CSMD1: variants seen among roughly 807,000 people sequenced by gnomAD.
CSMD1 encodes CUB and Sushi multiple domains 1.
A neutral mutation model predicts 417.5 loss-of-function variants in CSMD1; 213 were observed. The ratio of observed to expected loss-of-function variants is 0.51; its 90% CI spans 0.46 to 0.57. The LOEUF is 0.57. Ranked by LOEUF, CSMD1 falls within the 20% of genes least tolerant of loss-of-function variation. The probability of loss-of-function intolerance (pLI) is 0.00; values close to 1 mark genes in which losing one functional copy is unlikely to be tolerated. For missense variants in CSMD1, 6,923 were observed against 4,529.7 expected, an observed-to-expected ratio of 1.53 and a Z score of -15.17; for synonymous variants, 2,862 against 1,736.8, an observed-to-expected ratio of 1.65 and a Z score of -16.11.
chr8:3,853,852 T>C (rs915170181), intron 5 of CSMD1, among the ~76,000 whole-genome samples: 1 of 143,578 alleles, frequency 7.0e-6, no homozygotes, highest in African/African-American at 2.6e-5. Context: ...ACATGTACCC[T>C]AAAACTTAAT....
intron 12 of CSMD1, among the ~76,000 whole-genome samples, chr8:3,438,884 G>C (rs1814749985): frequency 6.6e-6 from 1 of 151,832 alleles, no homozygotes; most frequent in Non-Finnish European, 1.5e-5. Context: ...GGGAGGCCAA[G>C]GCAGGTGGAT....
chr8:4,405,249 T>A (rs1804927400), intron 3 of CSMD1, among the ~76,000 whole-genome samples: 1 of 152,234 alleles, frequency 6.6e-6, no homozygotes. Flanking sequence ...ATGCTTAGCT[T>A]GGAAAAGAGA....
intron 69 of CSMD1, among the ~76,000 whole-genome samples, chr8:2,939,260 T>A (rs1801700543): frequency 6.6e-6 from 1 of 152,250 alleles, no homozygotes; most frequent in Admixed American, 6.5e-5. Context: ...TAAAACAGGG[T>A]TGTGGGCATA....
intron 23 of CSMD1, among the ~76,000 whole-genome samples, chr8:3,316,454 A>G (rs1805767651): frequency 1.3e-5 from 2 of 152,128 alleles, no homozygotes; most frequent in South Asian, 4.1e-4. Context: ...CAACACGATG[A>G]ATGCTATGGT....
At chr8:4,154,393 T>C (rs991436724) in intron 3 of CSMD1, among the ~76,000 whole-genome samples, 2 of 152,222 alleles carry the variant, frequency 1.3e-5, no homozygotes, top group African/African-American at 2.4e-5. Flanking sequence ...TAATCTATTG[T>C]ATAAGTATAG....
intron 18 of CSMD1, among the ~76,000 whole-genome samples, chr8:3,378,768 T>G (rs779681954): frequency 2.0e-5 from 3 of 152,202 alleles, no homozygotes; most frequent in Non-Finnish European, 4.4e-5. Context: ...AAGCTATTTA[T>G]GACAAACCCA....
intron 10 of CSMD1, among the ~76,000 whole-genome samples, chr8:3,509,600 T>A (rs576415787): frequency 1.3e-5 from 2 of 152,330 alleles, no homozygotes; most frequent in South Asian, 4.1e-4. Context: ...AAGCTATATC[T>A]AGTGGATATA....
intron 2 of CSMD1, among the ~76,000 whole-genome samples, chr8:4,462,536 A>G (rs1033252049): frequency 6.6e-6 from 1 of 152,170 alleles, no homozygotes; most frequent in African/African-American, 2.4e-5. Context: ...AGAATACTCA[A>G]AACAATCTTT....
chr8:4,523,976 G>A (rs893852839), intron 2 of CSMD1, among the ~76,000 whole-genome samples: 1 of 151,924 alleles, frequency 6.6e-6, no homozygotes, highest in South Asian at 2.1e-4. Flanking sequence ...CAGTTCCTAC[G>A]CTCTCCTCAA....
chr8:4,804,134 T>G (rs753266431), intron 1 of CSMD1, among the ~76,000 whole-genome samples: 4 of 152,140 alleles, frequency 2.6e-5, no homozygotes, highest in Non-Finnish European at 4.4e-5. Context: ...ACTATTTCCT[T>G]TATACATCAA....
intron 5 of CSMD1, among the ~76,000 whole-genome samples, chr8:3,887,094 T>C (rs1278547108): frequency 6.6e-6 from 1 of 152,166 alleles, no homozygotes; most frequent in African/African-American, 2.4e-5. Flanking sequence ...AGCTGAGCTC[T>C]GAAAAGTAGA....
At chr8:4,298,801 A>C (rs944528406) in intron 3 of CSMD1, among the ~76,000 whole-genome samples, 20 of 152,060 alleles carry the variant, frequency 1.3e-4, no homozygotes, top group Admixed American at 1.3e-3. Flanking sequence ...ATGTGTTTGT[A>C]AAATACATGT....
At chr8:3,182,611 T>C (rs1485687672) in intron 36 of CSMD1, among the ~76,000 whole-genome samples, 3 of 63,892 alleles carry the variant, frequency 4.7e-5, no homozygotes, top group Non-Finnish European at 1.5e-4. Context: ...TGTGTGTGTG[T>C]GTGTGTGTGT....
At chr8:4,714,263 C>G (rs1808502599) in intron 1 of CSMD1, among the ~76,000 whole-genome samples, 1 of 152,170 alleles carries the variant, frequency 6.6e-6, no homozygotes, top group Non-Finnish European at 1.5e-5. Flanking sequence ...GAAATATACT[C>G]ATCCTAAACA....
intron 10 of CSMD1, among the ~76,000 whole-genome samples, chr8:3,533,293 T>C (rs1388842723): frequency 2.0e-5 from 3 of 151,406 alleles, no homozygotes; most frequent in Admixed American, 2.0e-4. Flanking sequence ...AAATGCCCAA[T>C]ATAATATAAT....
At chr8:3,276,518 C>G (rs915660402) in intron 26 of CSMD1, among the ~76,000 whole-genome samples, 2 of 152,188 alleles carry the variant, frequency 1.3e-5, no homozygotes, top group African/African-American at 2.4e-5. Flanking sequence ...GTCTTATTCA[C>G]TATCATGAGA....
intron 23 of CSMD1, among the ~76,000 whole-genome samples, chr8:3,342,144 G>A (rs930872281): frequency 6.6e-6 from 1 of 152,130 alleles, no homozygotes; most frequent in Non-Finnish European, 1.5e-5. Context: ...TATCACAAAG[G>A]TGAAAAACTG....
intron 5 of CSMD1, among the ~76,000 whole-genome samples, chr8:3,971,953 G>C (rs942275256): frequency 1.3e-4 from 19 of 151,938 alleles, no homozygotes; most frequent in African/African-American, 4.6e-4. Context: ...TGTTGCCCAG[G>C]CTGGAGTGCA....
At chr8:4,258,932 A>G (rs780676680) in intron 3 of CSMD1, among the ~76,000 whole-genome samples, 2 of 152,184 alleles carry the variant, frequency 1.3e-5, no homozygotes, top group Non-Finnish European at 2.9e-5. Context: ...TTATAGACAA[A>G]CTTATTTCAT....
Sources: gnomAD v4.1 joint callset for allele counts (sites outside exome capture counted in the v4.1 genomes callset) on GRCh38, gnomAD v4.1.1 for gene constraint, MANE v1.5 for transcripts, NCBI Gene and HGNC (gene_info 2026-07-23, HGNC 2026-07-21) for gene names.